Variants in KCNG2 observed in about 807,000 individuals in gnomAD.
The protein encoded by KCNG2 is potassium voltage-gated channel modifier subfamily G member 2.
Under a neutral mutation model 12.3 loss-of-function variants are expected in KCNG2, and 7 were observed. That is an observed-to-expected ratio of 0.57 (90% CI 0.32 to 1.07). The LOEUF is 1.07. Among genes scored for constraint, KCNG2 ranks in the 50% least tolerant of loss-of-function variants. The pLI, the probability that KCNG2 is intolerant of heterozygous loss-of-function variation, is 0.04. For missense variants in KCNG2, 703 were observed against 726.0 expected, an observed-to-expected ratio of 0.97 and a Z score of 0.36; for synonymous variants, 414 against 351.4, an observed-to-expected ratio of 1.18 and a Z score of -1.99.
At chr18:79,853,567 G>A (rs1262901871) in intron 1 of KCNG2, among the ~76,000 whole-genome samples, 1 of 152,218 alleles carries the variant, frequency 6.6e-6, no homozygotes, top group African/African-American at 2.4e-5. Flanking sequence ...TCTGATCGCT[G>A]AGCTGGGAAC....
chr18:79,897,606 CTTCTTT>C lies in KCNG2; in HGVS notation c.625-1422_625-1417del, dbSNP rs1271110949. ...TTCCTAATGTATGAGTCATACTTTC[CTTCTTT>C]TTCTTTTTCTTCCTTCCCTCCTCCT... is the stretch of plus-strand genomic sequence containing the variant. On this transcript the variant is annotated intron_variant, in intron 3 of 3. Coordinates refer to ENST00000316249, the MANE Select transcript of KCNG2 (RefSeq NM_012283.2). 5.3e-5 allele frequency among the ~76,000 whole-genome samples: 8 copies of C among 152,290 alleles called. No individual in the cohort carries two copies. The East Asian group carries it at 1.5e-3, about 29-fold the overall frequency.
intron 1 of KCNG2, among the ~76,000 whole-genome samples, chr18:79,837,549 G>C (rs541650169): frequency 6.6e-6 from 1 of 152,350 alleles, no homozygotes; most frequent in South Asian, 2.1e-4. Flanking sequence ...ATCATCTCAA[G>C]TTCAAAGGTC....
intron 1 of KCNG2, among the ~76,000 whole-genome samples, chr18:79,799,076 C>A (rs1002853033): frequency 1.3e-5 from 2 of 152,262 alleles, no homozygotes; most frequent in African/African-American, 4.8e-5. Context: ...ATGGGTCCCC[C>A]CTTCTCTGCC....
chr18:79,867,551 G>A (rs1326240679), intron 3 of KCNG2, among the ~76,000 whole-genome samples: 1 of 122,666 alleles, frequency 8.2e-6, no homozygotes, highest in Non-Finnish European at 1.7e-5. Context: ...AGCTCGTCGT[G>A]TGTCGTGTCT....
At chr18:79,895,961 G>GAT (rs1448567659) in intron 3 of KCNG2, among the ~76,000 whole-genome samples, 2 of 152,126 alleles carry the variant, frequency 1.3e-5, no homozygotes, top group East Asian at 1.9e-4. Context: ...CCACTAATTA[G>GAT]ATATATATAT....
At chr18:79,895,120 T>G (rs1980914790) in intron 3 of KCNG2, among the ~76,000 whole-genome samples, 1 of 152,112 alleles carries the variant, frequency 6.6e-6, no homozygotes, top group South Asian at 2.1e-4. Context: ...GGTTGTTCAC[T>G]CCATTCACAT....
At position 79,899,908 on chromosome 18, in the gene KCNG2, T is replaced by C; in HGVS notation, c.*92T>C. On this transcript the variant is annotated 3_prime_UTR_variant, in exon 4 of 4. Transcript: ENST00000316249. ...GCCAAGGGGTGGGGGGCGTCTGGCC[T>C]GGGGGAGCGGCTCCTGCCGGCCGCG... 3 of 1,174,678 alleles carry C rather than the reference T, an allele frequency of 2.6e-6. No homozygotes were observed. Among genetic ancestry groups the C allele is most frequent in the Non-Finnish European group, 3.2e-6 (3 of 926,378 alleles). 72.8% of individuals were successfully genotyped at this position (1,174,678 alleles called of 1,614,324 possible). A position where few individuals can be genotyped will look rare whatever the true frequency, so the allele number is the denominator to read the frequency against.
At chr18:79,869,882 C>G (rs1979761267) in intron 3 of KCNG2, among the ~76,000 whole-genome samples, 1 of 152,234 alleles carries the variant, frequency 6.6e-6, no homozygotes, top group Non-Finnish European at 1.5e-5. Flanking sequence ...CAGCCGCCGC[C>G]ACCACCACGC....
chr18:79,850,669 C>T (rs940597667), intron 1 of KCNG2, among the ~76,000 whole-genome samples: 1 of 152,174 alleles, frequency 6.6e-6, no homozygotes, highest in Non-Finnish European at 1.5e-5. Context: ...TTTGAGAATG[C>T]GTTTTGGCCT....
At chr18:79,897,094 C>G in intron 3 of KCNG2, among the ~76,000 whole-genome samples, 1 of 151,412 alleles carries the variant, frequency 6.6e-6, no homozygotes, top group Admixed American at 6.6e-5. Flanking sequence ...GTTCATTGAG[C>G]TTCCTGGATA....
intron 1 of KCNG2, among the ~76,000 whole-genome samples, chr18:79,848,434 C>T (rs913933741): frequency 2.6e-5 from 4 of 152,338 alleles, no homozygotes; most frequent in Admixed American, 6.5e-5. Flanking sequence ...CACCGGCCAT[C>T]GTCAGCCCTC....
intron 1 of KCNG2, among the ~76,000 whole-genome samples, chr18:79,823,502 G>C (rs2087587716): frequency 6.6e-6 from 1 of 152,204 alleles, no homozygotes; most frequent in Admixed American, 6.5e-5. Context: ...AGTCTCATGG[G>C]TGAGAAATGG....
In KCNG2 at chr18:79,828,945, GTC is replaced by G. The variant is rs1978288740; in HGVS notation, c.-114-27432_-114-27431del. On this transcript the variant is annotated intron_variant, in intron 1 of 3. Transcript: ENST00000316249. The stretch of plus-strand genomic sequence containing the variant: ...GTCTATGTGTGCGTGTGTGTAACGT[GTC>G]TGTGTGTGCATGTGTCTGTATGTGG... Among the ~76,000 whole-genome samples the G allele has an allele frequency of 2.5e-5, 3 of 121,172 alleles. No homozygotes were observed. In the South Asian group the frequency reaches 8.4e-4, roughly 34 times the overall value. The allele number at this position is 121,172 out of a possible 152,430, so 79.5% of individuals were successfully genotyped here.
At chr18:79,869,865 G>T (rs1283212325) in intron 3 of KCNG2, among the ~76,000 whole-genome samples, 6 of 152,212 alleles carry the variant, frequency 3.9e-5, no homozygotes, top group African/African-American at 1.4e-4. Context: ...ACGACCTGCA[G>T]ACACCTCAGC....
At chr18:79,842,540 A>T (rs1260707518) in intron 1 of KCNG2, among the ~76,000 whole-genome samples, 1 of 152,246 alleles carries the variant, frequency 6.6e-6, no homozygotes, top group African/African-American at 2.4e-5. Flanking sequence ...AAACAGCCTG[A>T]CAAAGAATTC....
Position 79,867,494 on chromosome 18 carries a change from G to T in KCNG2, c.624+3203G>T, listed in dbSNP as rs1399560143. ...AGCCCGGCGTTGTGTCGTGTCTGGG[G>T]GGGGGATCGTGAGCCCGGCGTGTGT... On this transcript the variant is annotated intron_variant, in intron 3 of 3. Coordinates refer to ENST00000316249, the MANE Select transcript of KCNG2 (RefSeq NM_012283.2). 7.7e-5 allele frequency among the ~76,000 whole-genome samples: 9 copies of T among 116,752 alleles called. No homozygotes were observed. The East Asian group carries it at 2.6e-3, about 34-fold the overall frequency. The allele number at this position is 116,752 out of a possible 152,430, so 76.6% of individuals were successfully genotyped here.
Position 79,884,298 on chromosome 18 carries a change from G to C in KCNG2, c.625-14742G>C, listed in dbSNP as rs944156364. ...CACACCTGCACCCCCAAGAGAATTC[G>C]CCCCATCTAGGTCCCACCTAATGAC... On this transcript the variant is annotated intron_variant, in intron 3 of 3. Transcript: ENST00000316249. The surrounding 1 kb of genome is among the most constrained non-coding windows in gnomAD (Gnocchi z 5.5). Among the ~76,000 whole-genome samples, 1 of 148,138 alleles carries C rather than the reference G, an allele frequency of 6.8e-6. No individual in the cohort carries two copies. The highest frequency in any genetic ancestry group is 2.1e-4 in the South Asian group (1 of 4,724).
rs550955608 is a variant in KCNG2 at position 79,877,313 on chromosome 18, GTCCCTCCAGCGGCTGGC to G, written c.624+13027_624+13043del. On this transcript the variant is annotated intron_variant, in intron 3 of 3. Transcript: ENST00000316249. ...AGCAAATGACTGCTGGTGAGGCTGG[GTCCCTCCAGCGGCTGGC>G]TCCCGGCTCTCAGTGGCCGCGGCTG... Among the ~76,000 whole-genome samples the G allele has an allele frequency of 1.4e-3, 207 of 152,290 alleles. 1 individual carries two copies. The highest frequency in any genetic ancestry group is 4.7e-3 in the African/African-American group (196 of 41,566).
chr18:79,899,603 C>T lies in KCNG2; in HGVS notation c.1188C>T (p.Leu396=). 2 of 1,599,722 alleles carry T rather than the reference C, an allele frequency of 1.3e-6. No individual in the cohort carries two copies. Among genetic ancestry groups the T allele is most frequent in the Non-Finnish European group, 1.7e-6 (2 of 1,172,412 alleles). ...GCAGCATCCTCAGCGGCATCCTGCT[C>T]ATGGCCTTCCCGGTCACCTCCATCT... ...ALSSILSGIL[L]MAFPVTSIFH... Residue 396 remains leucine, a synonymous_variant, in exon 4 of 4, where the codon CTC becomes CTT. Coordinates refer to ENST00000316249, the MANE Select transcript of KCNG2 (RefSeq NM_012283.2).
Sources: allele counts gnomAD v4.1 joint callset (sites outside exome capture counted in the v4.1 genomes callset), GRCh38; gene constraint gnomAD v4.1.1; non-coding constraint Gnocchi (gnomAD v3.1); transcripts MANE v1.5; gene names NCBI Gene and HGNC (gene_info 2026-07-23, HGNC 2026-07-21).